PTPRU: variants seen among roughly 807,000 people sequenced by gnomAD.
PTPRU encodes the protein receptor-type tyrosine-protein phosphatase U.
Under a neutral mutation model 166.3 loss-of-function variants are expected in PTPRU, and 69 were observed. That is an observed-to-expected ratio of 0.41 (90% CI 0.34 to 0.51). The LOEUF (loss-of-function observed/expected upper bound fraction) is 0.51. Among genes scored for constraint, PTPRU ranks in the 20% least tolerant of loss-of-function variants. The pLI, the probability that PTPRU is intolerant of heterozygous loss-of-function variation, is 0.09. For missense variants in PTPRU, 1,657 were observed against 2,013.7 expected (o/e 0.82, Z 3.39); for synonymous variants, 793 against 814.0 (o/e 0.97, Z 0.44).
intron 1 of PTPRU, among the ~76,000 whole-genome samples, chr1:29,239,747 C>T (rs1683955407): frequency 6.6e-6 from 1 of 152,110 alleles, no homozygotes. Context: ...GTCCTGTCTG[C>T]CCTCTCAGAG....
rs12126961 is a variant in PTPRU, at chr1:29,271,082, G to A, written c.1145-4366G>A. 0.15 allele frequency among the ~76,000 whole-genome samples: 23,421 copies of A among 152,314 alleles called. 1,952 individuals carry two copies. The highest frequency in any genetic ancestry group is 0.2 in the Non-Finnish European group (13,281 of 68,016). On this transcript the variant is annotated intron_variant, in intron 7 of 29. Transcript: ENST00000373779. This position sits in a 1 kb window ranked among gnomAD's most constrained non-coding sequence, Gnocchi z 4.4. Reference sequence around the variant, plus strand: ...AAAAGTTGAACATTTCAGGGTTATTGCATCTTGTTTAGCCTTACTAAAGTC... The same window carrying A: ...AAAAGTTGAACATTTCAGGGTTATTACATCTTGTTTAGCCTTACTAAAGTC...
At chr1:29,295,919 G>A (rs1686862096) in intron 15 of PTPRU, among the ~76,000 whole-genome samples, 1 of 152,066 alleles carries the variant, frequency 6.6e-6, no homozygotes, top group South Asian at 2.1e-4. Context: ...TCGCACTCCT[G>A]ACCTCAGGTG....
chr1:29,248,440 G>T (rs997916649), intron 1 of PTPRU, among the ~76,000 whole-genome samples: 1 of 152,062 alleles, frequency 6.6e-6, no homozygotes, highest in Non-Finnish European at 1.5e-5. Flanking sequence ...GGTTGTATTT[G>T]AATTCCCCCA....
rs1684814769 is a variant in PTPRU at position 29,257,312 on chromosome 1, C to T, written c.206-1193C>T. ...ATGGGGACTTGAGTTTAGTTTACTA[C>T]TGCCCTGCTGGGACTGATCCAGGAG... On this transcript the variant is annotated intron_variant, in intron 2 of 29. Coordinates refer to ENST00000373779, the MANE Select transcript of PTPRU (RefSeq NM_133178.4). This position sits in a 1 kb window ranked among gnomAD's most constrained non-coding sequence, Gnocchi z 4.6. Among the ~76,000 whole-genome samples the T allele has an allele frequency of 1.3e-5, 2 of 152,160 alleles. No individual in the cohort carries two copies. Among genetic ancestry groups the T allele is most frequent in the African/African-American group, 4.8e-5 (2 of 41,424 alleles).
In PTPRU at chr1:29,257,736, G is replaced by C. The variant is rs1684836252; in HGVS notation, c.206-769G>C. Among the ~76,000 whole-genome samples the C allele has an allele frequency of 6.6e-6, 1 of 152,134 alleles. No homozygotes were observed. Among genetic ancestry groups the C allele is most frequent in the Admixed American group, 6.5e-5 (1 of 15,280 alleles). On this transcript the variant is annotated intron_variant, in intron 2 of 29. Transcript: ENST00000373779. This position sits in a 1 kb window ranked among gnomAD's most constrained non-coding sequence, Gnocchi z 4.6. The stretch of plus-strand genomic sequence containing the variant: ...GTCCTGAGGCCTCACAGCCTGGTGG[G>C]AGACACACAGGCACTTTAGTAATGA...
rs200241374 is a variant in PTPRU, at chr1:29,262,979, A to ATTAT, written c.1144+2094_1144+2097dup. On this transcript the variant is annotated intron_variant, in intron 7 of 29. Coordinates refer to ENST00000373779, the MANE Select transcript of PTPRU (RefSeq NM_133178.4). ...GTGACTGGCTTCTTCCATTTATTTT[A>ATTAT]TTATTTATTTATTTATTTATTATTA... is the stretch of plus-strand genomic sequence containing the variant. Among the ~76,000 whole-genome samples, 1,304 of 151,884 alleles carry ATTAT rather than the reference A, an allele frequency of 8.6e-3. 19 individuals are homozygous for ATTAT. Among genetic ancestry groups the ATTAT allele is most frequent in the African/African-American group, 0.029 (1,194 of 41,394 alleles).
intron 1 of PTPRU, among the ~76,000 whole-genome samples, chr1:29,248,573 A>G (rs1558546574): frequency 6.6e-6 from 1 of 152,134 alleles, no homozygotes; most frequent in African/African-American, 2.4e-5. Context: ...TTGACAAACC[A>G]AAGGGCAGAA....
chr1:29,270,315 GT>G (rs1489665446), intron 7 of PTPRU, among the ~76,000 whole-genome samples: 2 of 151,920 alleles, frequency 1.3e-5, no homozygotes, highest in Non-Finnish European at 2.9e-5. Flanking sequence ...GTTTGTTTTT[GT>G]TTCTTTTTTT....
Position 29,279,539 on chromosome 1 carries a change from G to A in PTPRU, c.1647G>A (p.Glu549=), listed in dbSNP as rs1215865672. The A allele has an allele frequency of 3.1e-6, 5 of 1,614,158 alleles. No homozygotes were observed. In the South Asian group the frequency reaches 5.5e-5, roughly 18 times the overall value. Residue 549 remains glutamate, a synonymous_variant, in exon 10 of 30, where the codon GAG becomes GAA. Transcript: ENST00000373779. The surrounding 1 kb of genome is among the most constrained non-coding windows in gnomAD (Gnocchi z 5.2). ...GTACCATCTCCAAGCTCCGCAATGA[G>A]ACCTACCATGTCTTCTCCAACCTGC... The part of the protein sequence containing the change: ...PRRTISKLRN[E]TYHVFSNLHP...
In PTPRU at chr1:29,260,711, G is replaced by A; in HGVS notation, c.952G>A (p.Val318Met). 6.3e-7 allele frequency: 1 copy of A among 1,598,580 alleles called. No individual in the cohort carries two copies. The change falls in exon 7 of 30, where the codon GTG becomes ATG. Residue 318 changes from valine to methionine, a missense_variant. By Grantham distance (21) the Val-to-Met change is conservative. Around this residue, in one of 3 missense-constraint regions of PTPRU, gnomAD observed 453 missense variants for 496.9 expected, o/e 0.91. Coordinates refer to ENST00000373779, the MANE Select transcript of PTPRU (RefSeq NM_133178.4). The surrounding 1 kb of genome is among the most constrained non-coding windows in gnomAD (Gnocchi z 8.3). ...CTCCATCATTGGCGACGGGCCGATC[G>A]TGCGCAAGGAGATTGAGTACCGCAT... ...TNSIIGDGPI[V>M]RKEIEYRMAR...
chr1:29,281,525 G>A (rs1005733009), intron 11 of PTPRU, among the ~76,000 whole-genome samples: 2 of 152,142 alleles, frequency 1.3e-5, no homozygotes, highest in Admixed American at 6.5e-5. Context: ...GGCATGTCCC[G>A]TTACCTTCCT....
At chr1:29,258,898 A>C (rs1288601308) in intron 3 of PTPRU, 122 bp downstream of exon 3, 2 of 1,399,624 alleles carry the variant, frequency 1.4e-6, no homozygotes, top group Non-Finnish European at 1.9e-6. Context: ...ATCAGAGGCA[A>C]CCTGTGGTCA....
At position 29,311,518 on chromosome 1, in the gene PTPRU, A is replaced by G. The variant is rs1251795647; in HGVS notation, c.2920A>G (p.Ile974Val). 2 of 1,614,148 alleles carry G rather than the reference A, an allele frequency of 1.2e-6. No individual in the cohort carries two copies. Among genetic ancestry groups the G allele is most frequent in the South Asian group, 2.2e-5 (2 of 91,084 alleles). Reference protein sequence around the residue: ...RMVWQEHCSSIVMITKLVEVG... With the variant: ...RMVWQEHCSSVVMITKLVEVG... Reference sequence around the variant, plus strand: ...GGTGTGGCAGGAGCACTGTTCCAGCATCGTCATGATCACCAAGCTGGTCGA... The same window carrying G: ...GGTGTGGCAGGAGCACTGTTCCAGCGTCGTCATGATCACCAAGCTGGTCGA... Residue 974 changes from isoleucine (I) to valine (V), a missense_variant, in exon 20 of 30, where the codon ATC becomes GTC. Coordinates refer to ENST00000373779, the MANE Select transcript of PTPRU (RefSeq NM_133178.4). This position sits in a 1 kb window ranked among gnomAD's most constrained non-coding sequence, Gnocchi z 4.1.
chr1:29,325,489 C>T (rs1688370090), intron 29 of PTPRU, 110 bp from the exon 30 acceptor site: 3 of 1,503,970 alleles, frequency 2.0e-6, no homozygotes, highest in South Asian at 2.3e-5. Context: ...TCCCCGAGGG[C>T]GGGCCTGGGC....
intron 15 of PTPRU, among the ~76,000 whole-genome samples, chr1:29,295,079 C>G (rs536459547): frequency 6.6e-6 from 1 of 152,316 alleles, no homozygotes; most frequent in African/African-American, 2.4e-5. Context: ...CTCTGTCACC[C>G]AGGCTGGAGT....
chr1:29,288,077 A>G (rs1014247527), intron 14 of PTPRU, among the ~76,000 whole-genome samples: 2 of 152,136 alleles, frequency 1.3e-5, no homozygotes, highest in Non-Finnish European at 2.9e-5. Flanking sequence ...GGCCTCCCAA[A>G]ATGCAGGGAT....
chr1:29,325,805 C>T lies in PTPRU; in HGVS notation c.*144C>T, dbSNP rs1688388560. 4.3e-6 allele frequency: 4 copies of T among 936,114 alleles called. No homozygotes were observed. The highest frequency in any genetic ancestry group is 6.2e-6 in the Non-Finnish European group (4 of 647,548). The allele number at this position is 936,114 out of a possible 1,614,324, so 58.0% of individuals were successfully genotyped here. A position where few individuals can be genotyped will look rare whatever the true frequency, so the allele number is the denominator to read the frequency against. On this transcript the variant is annotated 3_prime_UTR_variant, in exon 30 of 30. Coordinates refer to ENST00000373779, the MANE Select transcript of PTPRU (RefSeq NM_133178.4). Reference sequence around the variant, plus strand: ...GAGTGGATGCTGGGCTATCTTGCTCCCCCTTCCACTGTGGGCAGGGCCTTT... The same window carrying T: ...GAGTGGATGCTGGGCTATCTTGCTCTCCCTTCCACTGTGGGCAGGGCCTTT...
rs150267021 is a variant in PTPRU at position 29,279,625 on chromosome 1, C to T, written c.1733C>T (p.Ala578Val). Residue 578 changes from alanine to valine, a missense_variant, in exon 10 of 30, where the codon GCG becomes GTG. Physicochemically the swap from Ala to Val is moderately conservative, Grantham distance 64. Coordinates refer to ENST00000373779, the MANE Select transcript of PTPRU (RefSeq NM_133178.4). The surrounding 1 kb of genome is among the most constrained non-coding windows in gnomAD (Gnocchi z 5.2). ...RARTGKGFGQ[A>V]ALTEITTNIS... ...CGCACAGGCAAAGGCTTCGGCCAGG[C>T]GGCACTCACTGAGATAACCACTAAC... 53 of 1,613,152 alleles carry T rather than the reference C, an allele frequency of 3.3e-5. No homozygotes were observed. The highest frequency in any genetic ancestry group is 1.3e-4 in the African/African-American group (10 of 75,058).
chr1:29,256,861 G>A (rs187859481), intron 2 of PTPRU, among the ~76,000 whole-genome samples: 2 of 152,150 alleles, frequency 1.3e-5, no homozygotes, highest in East Asian at 1.9e-4. Flanking sequence ...CTCTTGTCAC[G>A]TGCAAGCAGA....
Sources: allele counts gnomAD v4.1 joint callset (sites outside exome capture counted in the v4.1 genomes callset), GRCh38; gene constraint gnomAD v4.1.1; regional missense constraint gnomAD v4.1.1; non-coding constraint Gnocchi (gnomAD v3.1); transcripts MANE v1.5; gene names NCBI Gene and HGNC (gene_info 2026-07-23, HGNC 2026-07-21).